Variants in SYDE1 observed in about 807,000 individuals in gnomAD.
SYDE1 encodes the protein rho GTPase-activating protein SYDE1.
A neutral mutation model predicts 63.3 loss-of-function variants in SYDE1; 34 were observed. That is an observed-to-expected ratio of 0.54 (90% CI 0.41 to 0.71). The LOEUF is 0.71. Ranked by LOEUF, SYDE1 falls within the 30% of genes least tolerant of loss-of-function variation. SYDE1 has a pLI of 0.00. For missense variants in SYDE1, 925 were observed against 1,042.5 expected, an observed-to-expected ratio of 0.89 and a Z score of 1.55; for synonymous variants, 467 against 473.4, an observed-to-expected ratio of 0.99 and a Z score of 0.18.
At position 15,113,879 on chromosome 19, in the gene SYDE1, C is replaced by G. The variant is rs142049849; in HGVS notation, c.2124C>G (p.Asn708Lys). The change falls in exon 8 of 8, where the codon AAC becomes AAG. Residue 708 changes from asparagine to lysine, a missense_variant. Asn to Lys is a moderately conservative substitution (Grantham distance 94). Transcript: ENST00000342784. ...DFEDDFDAPF[N>K]PHLNLKDFDA... ...AAGACGACTTCGATGCGCCCTTCAACCCGCACCTGAATCTCAAAGACTTCG... is the reference window on the plus strand; with the variant it reads ...AAGACGACTTCGATGCGCCCTTCAAGCCGCACCTGAATCTCAAAGACTTCG... 3.1e-6 allele frequency: 5 copies of G among 1,614,080 alleles called. No individual in the cohort carries two copies. Among genetic ancestry groups the G allele is most frequent in the Non-Finnish European group, 4.2e-6 (5 of 1,180,046 alleles).
In SYDE1 at chr19:15,109,788, A is replaced by G. The variant is rs1004355698; in HGVS notation, c.515A>G (p.Lys172Arg). 3 of 1,537,894 alleles carry G rather than the reference A, an allele frequency of 2.0e-6. No individual in the cohort carries two copies. The highest frequency in any genetic ancestry group is 2.6e-6 in the Non-Finnish European group (3 of 1,145,740). Residue 172 changes from lysine to arginine, a missense_variant, in exon 3 of 8, where the codon AAG (lysine) becomes AGG (arginine). Coordinates refer to ENST00000342784, the MANE Select transcript of SYDE1 (RefSeq NM_033025.6). The surrounding 1 kb of genome is among the most constrained non-coding windows in gnomAD (Gnocchi z 5.0). Reference protein sequence around the residue: ...PARRLSIKMKKLPELRRRLSL... With the variant: ...PARRLSIKMKRLPELRRRLSL... ...AGGCGCCTCTCCATAAAGATGAAGA[A>G]GCTGCCGGAACTGCGGCGCCGCCTG...
Position 15,110,970 on chromosome 19 carries a change from G to A in SYDE1, c.1290+235G>A, listed in dbSNP as rs543330435. 6.6e-6 allele frequency among the ~76,000 whole-genome samples: 1 copy of A among 152,310 alleles called. No individual in the cohort carries two copies. Among genetic ancestry groups the A allele is most frequent in the African/African-American group, 2.4e-5 (1 of 41,570 alleles). ...GCCCTCCTGGGGCTCAGAGTCTGAT[G>A]GGGGAAAAGATACGACTCTAGTCAT... On this transcript the variant is annotated intron_variant, in intron 4 of 7. Transcript: ENST00000342784. This position sits in a 1 kb window ranked among gnomAD's most constrained non-coding sequence, Gnocchi z 6.9.
chr19:15,107,553 C>T, intron 1 of SYDE1, 32 bp downstream of exon 1: 2 of 1,501,846 alleles, frequency 1.3e-6, no homozygotes, highest in Non-Finnish European at 1.8e-6. Flanking sequence ...ACAGGGGGCG[C>T]CGAGCCCCAC....
At chr19:15,112,227 C>G in intron 6 of SYDE1, 119 bp from the exon 7 acceptor site, 1 of 659,738 alleles carries the variant, frequency 1.5e-6, no homozygotes, top group South Asian at 1.9e-5. Context: ...TTAACCCGAC[C>G]ACATCCCAGC....
At chr19:15,107,621 G>C in intron 1 of SYDE1, 100 bp downstream of exon 1, 1 of 709,582 alleles carries the variant, frequency 1.4e-6, no homozygotes, top group Non-Finnish European at 2.1e-6. Flanking sequence ...GGATCAGGGG[G>C]AGCCCCCCGC....
Position 15,109,870 on chromosome 19 carries a change from C to T in SYDE1, c.597C>T (p.Ser199=), listed in dbSNP as rs1232556940. ...GCGAGAGGGCTGCCCCTGCGGGCTC[C>T]GTCATCAGCCGCTACCACCTGGACA... ...RERERAAPAG[S]VISRYHLDSS... Residue 199 remains serine (S), a synonymous_variant, in exon 3 of 8, where the codon TCC becomes TCT. Coordinates refer to ENST00000342784, the MANE Select transcript of SYDE1 (RefSeq NM_033025.6). The surrounding 1 kb of genome is among the most constrained non-coding windows in gnomAD (Gnocchi z 5.0). 9.9e-6 allele frequency: 15 copies of T among 1,521,834 alleles called. No individual in the cohort carries two copies. The highest frequency in any genetic ancestry group is 1.2e-5 in the Non-Finnish European group (14 of 1,138,962). 94.3% of individuals were successfully genotyped at this position (1,521,834 alleles called of 1,614,324 possible). A position where few individuals can be genotyped will look rare whatever the true frequency, so the allele number is the denominator to read the frequency against.
chr19:15,109,803 G>A lies in SYDE1; in HGVS notation c.530G>A (p.Arg177Gln). The change falls in exon 3 of 8, where the codon CGG (arginine) becomes CAG (glutamine). Residue 177 changes from arginine to glutamine, a missense_variant. Around this residue, in one of 3 missense-constraint regions of SYDE1, gnomAD observed 599 missense variants for 653.7 expected, o/e 0.92. Coordinates refer to ENST00000342784, the MANE Select transcript of SYDE1 (RefSeq NM_033025.6). This position sits in a 1 kb window ranked among gnomAD's most constrained non-coding sequence, Gnocchi z 5.0. The part of the protein sequence containing the change: ...SIKMKKLPEL[R>Q]RRLSLRGPRA... ...AAGATGAAGAAGCTGCCGGAACTGC[G>A]GCGCCGCCTGAGCCTGCGAGGCCCC... 6.5e-7 allele frequency: 1 copy of A among 1,535,778 alleles called. No homozygotes were observed.
Position 15,111,453 on chromosome 19 carries a change from C to A in SYDE1, c.1417+14C>A. The A allele has an allele frequency of 6.2e-7, 1 of 1,613,222 alleles. No individual in the cohort carries two copies. Among genetic ancestry groups the A allele is most frequent in the Non-Finnish European group, 8.5e-7 (1 of 1,179,386 alleles). ...ATGTCATCACTGGTCAGCATGGCCCCCTCTCCCCTGCCTGCTCACCCCCAT... is the reference window on the plus strand; with the variant it reads ...ATGTCATCACTGGTCAGCATGGCCCACTCTCCCCTGCCTGCTCACCCCCAT... On this transcript the variant is annotated intron_variant, in intron 5 of 7. Coordinates refer to ENST00000342784, the MANE Select transcript of SYDE1 (RefSeq NM_033025.6). This position sits in a 1 kb window ranked among gnomAD's most constrained non-coding sequence, Gnocchi z 5.5.
chr19:15,111,442 C>T lies in SYDE1; in HGVS notation c.1417+3C>T. 1.2e-6 allele frequency: 2 copies of T among 1,613,716 alleles called. No homozygotes were observed. Among genetic ancestry groups the T allele is most frequent in the Non-Finnish European group, 1.7e-6 (2 of 1,179,714 alleles). On this transcript the variant is annotated splice_donor_region_variant and intron_variant, in intron 5 of 7. Coordinates refer to ENST00000342784, the MANE Select transcript of SYDE1 (RefSeq NM_033025.6). This position sits in a 1 kb window ranked among gnomAD's most constrained non-coding sequence, Gnocchi z 5.5. Reference sequence around the variant, plus strand: ...CCCCGATATCAATGTCATCACTGGTCAGCATGGCCCCCTCTCCCCTGCCTG... The same window carrying T: ...CCCCGATATCAATGTCATCACTGGTTAGCATGGCCCCCTCTCCCCTGCCTG...
Position 15,114,833 on chromosome 19 carries a change from G to A in SYDE1, c.*870G>A, listed in dbSNP as rs1253807932. 3.3e-6 allele frequency: 1 copy of A among 303,512 alleles called. No individual in the cohort carries two copies. Among genetic ancestry groups the A allele is most frequent in the African/African-American group, 2.2e-5 (1 of 46,098 alleles). The allele number at this position is 303,512 out of a possible 1,614,324, so 18.8% of individuals were successfully genotyped here. A position where few individuals can be genotyped will look rare whatever the true frequency, so the allele number is the denominator to read the frequency against. On this transcript the variant is annotated 3_prime_UTR_variant, in exon 8 of 8. Transcript: ENST00000342784. ...GGGACCACAGAGGAGGGAGCAGTTTGCAGTGCCCAGCCACCCTGAAATCCC... is the reference window on the plus strand; with the variant it reads ...GGGACCACAGAGGAGGGAGCAGTTTACAGTGCCCAGCCACCCTGAAATCCC...
At position 15,108,813 on chromosome 19, in the gene SYDE1, G is replaced by A. The variant is rs572160193; in HGVS notation, c.89-243G>A. 2.1e-6 allele frequency: 1 copy of A among 470,464 alleles called. No individual in the cohort carries two copies. The highest frequency in any genetic ancestry group is 6.5e-5 in the South Asian group (1 of 15,336). The allele number at this position is 470,464 out of a possible 1,614,324, so 29.1% of individuals were successfully genotyped here. A position where few individuals can be genotyped will look rare whatever the true frequency, so the allele number is the denominator to read the frequency against. On this transcript the variant is annotated intron_variant, in intron 1 of 7. Transcript: ENST00000342784. This position sits in a 1 kb window ranked among gnomAD's most constrained non-coding sequence, Gnocchi z 4.3. ...AGGAAGCCTGACTTAGAACCCTGAGGCTGCAGGGATGGAGTCCCCTTTTGG... is the reference window on the plus strand; with the variant it reads ...AGGAAGCCTGACTTAGAACCCTGAGACTGCAGGGATGGAGTCCCCTTTTGG...
Position 15,109,829 on chromosome 19 carries a change from C to G in SYDE1, c.556C>G (p.Arg186Gly), listed in dbSNP as rs752378692. ...LRRRLSLRGP[R>G]AGRERERAAP... ...GCGCCGCCTGAGCCTGCGAGGCCCCCGGGCTGGCAGGGAGCGCGAGAGGGC... is the reference window on the plus strand; with the variant it reads ...GCGCCGCCTGAGCCTGCGAGGCCCCGGGGCTGGCAGGGAGCGCGAGAGGGC... Residue 186 changes from arginine to glycine, a missense_variant, in exon 3 of 8, where the codon CGG (arginine) becomes GGG (glycine). Arg to Gly is a moderately radical substitution (Grantham distance 125, BLOSUM62 -2). Transcript: ENST00000342784. This position sits in a 1 kb window ranked among gnomAD's most constrained non-coding sequence, Gnocchi z 5.0. 28 of 1,533,386 alleles carry G rather than the reference C, an allele frequency of 1.8e-5. No individual in the cohort carries two copies. Among genetic ancestry groups the G allele is most frequent in the Middle Eastern group, 1.9e-4 (1 of 5,306 alleles). 95.0% of individuals were successfully genotyped at this position (1,533,386 alleles called of 1,614,324 possible).
In SYDE1 at chr19:15,109,296, T is replaced by A. The variant is rs764531796; in HGVS notation, c.329T>A (p.Ile110Asn). Reference protein sequence around the residue: ...VPGTGEPAGEIWYNPIPEEDP... With the variant: ...VPGTGEPAGENWYNPIPEEDP... ...GGCACTGGGGAGCCCGCCGGCGAGA[T>A]CTGGTACAACCCCATCCCTGAGGAA... Residue 110 changes from isoleucine (I) to asparagine (N), a missense_variant, in exon 2 of 8, where the codon ATC becomes AAC. This residue lies in a region of SYDE1 where 599 missense variants were observed against 653.7 expected (regional missense o/e 0.92). Transcript: ENST00000342784. The surrounding 1 kb of genome is among the most constrained non-coding windows in gnomAD (Gnocchi z 5.0). The A allele has an allele frequency of 6.2e-7, 1 of 1,613,662 alleles. No homozygotes were observed. The highest frequency in any genetic ancestry group is 8.5e-7 in the Non-Finnish European group (1 of 1,179,792).
chr19:15,112,334 A>T lies in SYDE1; in HGVS notation c.1579-12A>T. ...ACTTTGTCTGACTTACATCCTCTCA[A>T]CCCTCTCCCAGGCCACGCTGACGCT... On this transcript the variant is annotated splice_polypyrimidine_tract_variant and intron_variant, in intron 6 of 7. Transcript: ENST00000342784. The T allele has an allele frequency of 6.5e-7, 1 of 1,548,240 alleles. No homozygotes were observed. The highest frequency in any genetic ancestry group is 8.7e-7 in the Non-Finnish European group (1 of 1,143,740).
rs33980637 is a variant in SYDE1 at position 15,111,681 on chromosome 19, G to A, written c.1467G>A (p.Gln489=). 0.056 allele frequency: 89,718 copies of A among 1,613,540 alleles called. 2,790 individuals carry two copies. Among genetic ancestry groups the A allele is most frequent in the South Asian group, 0.096 (8,728 of 91,022 alleles). The change falls in exon 6 of 8, where the codon CAG becomes CAA. Residue 489 remains glutamine, a synonymous_variant. Coordinates refer to ENST00000342784, the MANE Select transcript of SYDE1 (RefSeq NM_033025.6). The surrounding 1 kb of genome is among the most constrained non-coding windows in gnomAD (Gnocchi z 5.5). Reference sequence around the variant, plus strand: ...AGTTGCCCACCCCACTCATCACCCAGCCCCTGTATAAGGTGGTACTGGAGG... The same window carrying A: ...AGTTGCCCACCCCACTCATCACCCAACCCCTGTATAAGGTGGTACTGGAGG... ...LRELPTPLIT[Q]PLYKVVLEAM...
rs937185223 is a variant in SYDE1 at position 15,112,580 on chromosome 19, A to G, written c.1804+9A>G. On this transcript the variant is annotated intron_variant, in intron 7 of 7. Transcript: ENST00000342784. ...GCTGCAGTCTTGGCCAGGTGAGTTC[A>G]TGCCCAGGGCCTGCACCACCAATCT... 9.7e-6 allele frequency: 15 copies of G among 1,552,652 alleles called. No homozygotes were observed. The highest frequency in any genetic ancestry group is 1.4e-5 in the African/African-American group (1 of 73,810).
Position 15,109,879 on chromosome 19 carries a change from C to A in SYDE1, c.606C>A (p.Ser202Arg). The A allele has an allele frequency of 6.6e-7, 1 of 1,520,162 alleles. No homozygotes were observed. Among genetic ancestry groups the A allele is most frequent in the Non-Finnish European group, 8.8e-7 (1 of 1,138,056 alleles). 94.2% of individuals were successfully genotyped at this position (1,520,162 alleles called of 1,614,324 possible). A position where few individuals can be genotyped will look rare whatever the true frequency, so the allele number is the denominator to read the frequency against. The change falls in exon 3 of 8, where the codon AGC becomes AGA. Residue 202 changes from serine to arginine, a missense_variant. Transcript: ENST00000342784. The surrounding 1 kb of genome is among the most constrained non-coding windows in gnomAD (Gnocchi z 5.0). ...ERAAPAGSVI[S>R]RYHLDSSVGG... The stretch of plus-strand genomic sequence containing the variant: ...CTGCCCCTGCGGGCTCCGTCATCAG[C>A]CGCTACCACCTGGACAGCAGCGTGG...
At position 15,110,072 on chromosome 19, in the gene SYDE1, C is replaced by A; in HGVS notation, c.799C>A (p.Arg267Ser). 1 of 1,489,204 alleles carries A rather than the reference C, an allele frequency of 6.7e-7. No individual in the cohort carries two copies. Among genetic ancestry groups the A allele is most frequent in the Non-Finnish European group, 8.9e-7 (1 of 1,127,336 alleles). 92.2% of individuals were successfully genotyped at this position (1,489,204 alleles called of 1,614,324 possible). ...ARAPPAALWG[R>S]LSLHLYGLGG... ...GGCACCCCCGGCCGCACTCTGGGGC[C>A]GCCTCAGCCTGCACCTGTACGGTCT... The change falls in exon 3 of 8, where the codon CGC (arginine) becomes AGC (serine). Residue 267 changes from arginine (R) to serine (S), a missense_variant. Arg to Ser is a moderately radical substitution (Grantham distance 110). This residue lies in a region of SYDE1 where 599 missense variants were observed against 653.7 expected (regional missense o/e 0.92). Transcript: ENST00000342784. The surrounding 1 kb of genome is among the most constrained non-coding windows in gnomAD (Gnocchi z 6.9).
Position 15,114,628 on chromosome 19 carries a change from C to CT in SYDE1, c.*665_*666insT. On this transcript the variant is annotated 3_prime_UTR_variant, in exon 8 of 8. Coordinates refer to ENST00000342784, the MANE Select transcript of SYDE1 (RefSeq NM_033025.6). ...TCCCCATCTCCTTGCCCCCCCCTTG[C>CT]CCCCCCCCCCGAAAAAAATTGAGCA... is the stretch of plus-strand genomic sequence containing the variant. 1 of 3,864 alleles carries CT rather than the reference C, an allele frequency of 2.6e-4. No homozygotes were observed. Among genetic ancestry groups the CT allele is most frequent in the Non-Finnish European group, 2.1e-3 (1 of 482 alleles). The allele number at this position is 3,864 out of a possible 1,614,324, so 0.2% of individuals were successfully genotyped here. A position where few individuals can be genotyped will look rare whatever the true frequency, so the allele number is the denominator to read the frequency against.
Sources: allele counts gnomAD v4.1 joint callset (sites outside exome capture counted in the v4.1 genomes callset), GRCh38; gene constraint gnomAD v4.1.1; regional missense constraint gnomAD v4.1.1; non-coding constraint Gnocchi (gnomAD v3.1); transcripts MANE v1.5; gene names NCBI Gene and HGNC (gene_info 2026-07-23, HGNC 2026-07-21).